Variants in RBMS3 observed in about 807,000 individuals in gnomAD.
The protein encoded by RBMS3 is RNA-binding motif, single-stranded-interacting protein 3.
RBMS3 carries 27 observed loss-of-function variants against 66.8 expected under a neutral mutation model. The observed-to-expected ratio is 0.40, with a 90% confidence interval of 0.30 to 0.56. The LOEUF (loss-of-function observed/expected upper bound fraction) is 0.56. Among genes scored for constraint, RBMS3 ranks in the 20% least tolerant of loss-of-function variants. The pLI, the probability that RBMS3 is intolerant of heterozygous loss-of-function variation, is 0.40. For missense variants in RBMS3, 513 were observed against 549.5 expected (o/e 0.93, Z 0.66); for synonymous variants, 188 against 183.0 (o/e 1.03, Z -0.22).
rs912793100 is a variant in RBMS3 at position 29,740,507 on chromosome 3, A to G, written c.557+630A>G. Among the ~76,000 whole-genome samples, 59 of 152,200 alleles carry G rather than the reference A, an allele frequency of 3.9e-4. 1 individual carries two copies. The highest frequency in any genetic ancestry group is 5.9e-5 in the Non-Finnish European group (4 of 68,030). On this transcript the variant is annotated intron_variant, in intron 5 of 14. Coordinates refer to ENST00000383767, the MANE Select transcript of RBMS3 (RefSeq NM_001003793.3). The stretch of plus-strand genomic sequence containing the variant: ...AGAGTAATTTTCATTTTAACTTTGA[A>G]GGAATGTTTACAAAAGAGGATTTCA...
intron 4 of RBMS3, among the ~76,000 whole-genome samples, chr3:29,720,686 C>T (rs2053605461): frequency 8.1e-6 from 1 of 122,700 alleles, no homozygotes; most frequent in Admixed American, 8.8e-5. Flanking sequence ...CATGAGTTCC[C>T]TGTAAGAATC....
intron 4 of RBMS3, among the ~76,000 whole-genome samples, chr3:29,634,137 T>A (rs17024004): frequency 0.071 from 10,784 of 151,928 alleles, 710 homozygotes; most frequent in East Asian, 0.33. Flanking sequence ...ATTGTGGGTA[T>A]CCAAAAGAGG....
intron 3 of RBMS3, among the ~76,000 whole-genome samples, chr3:29,561,514 A>G (rs1347925277): frequency 6.6e-6 from 1 of 152,062 alleles, no homozygotes; most frequent in Non-Finnish European, 1.5e-5. Flanking sequence ...GTGCAGTGGC[A>G]CAATCTCAGC....
intron 1 of RBMS3, among the ~76,000 whole-genome samples, chr3:29,297,442 G>A (rs2033351858): frequency 6.6e-6 from 1 of 151,836 alleles, no homozygotes; most frequent in South Asian, 2.1e-4. Context: ...AAATCCTTAA[G>A]ATGGCTCCGA....
chr3:29,787,332 A>G (rs116124106), intron 6 of RBMS3, among the ~76,000 whole-genome samples: 3,573 of 152,216 alleles, frequency 0.023, 163 homozygotes, highest in African/African-American at 0.081. Flanking sequence ...CCCCTACTAC[A>G]TATTTACCCA....
chr3:29,425,297 C>G (rs536980950), intron 1 of RBMS3, among the ~76,000 whole-genome samples: 41 of 151,206 alleles, frequency 2.7e-4, no homozygotes, highest in Non-Finnish European at 5.3e-4. Flanking sequence ...TCGCTTGAAC[C>G]CAGGAGGCAG....
intron 6 of RBMS3, among the ~76,000 whole-genome samples, chr3:29,821,540 C>A (rs570366133): frequency 6.6e-6 from 1 of 152,284 alleles, no homozygotes; most frequent in South Asian, 2.1e-4. Context: ...TAAAATTAGG[C>A]ACCATTTCTG....
At chr3:29,439,160 G>A (rs2041514701) in intron 2 of RBMS3, among the ~76,000 whole-genome samples, 1 of 152,114 alleles carries the variant, frequency 6.6e-6, no homozygotes, top group Non-Finnish European at 1.5e-5. Flanking sequence ...AAAGTGTGGG[G>A]CAAAATGAGC....
Position 29,281,649 on chromosome 3 carries a change from GT to G in RBMS3, c.-31del. 1 of 1,590,444 alleles carries G rather than the reference GT, an allele frequency of 6.3e-7. No homozygotes were observed. The highest frequency in any genetic ancestry group is 8.6e-7 in the Non-Finnish European group (1 of 1,158,704). On this transcript the variant is annotated 5_prime_UTR_variant, in exon 1 of 15. Coordinates refer to ENST00000383767, the MANE Select transcript of RBMS3 (RefSeq NM_001003793.3). ...CTGGGGCACTATACCCTGTCATCCA[GT>G]TCCCTGCCTCGGAGATAAAGATTCC...
At chr3:29,874,996 G>C (rs1171862327) in intron 7 of RBMS3, among the ~76,000 whole-genome samples, 1 of 152,144 alleles carries the variant, frequency 6.6e-6, no homozygotes, top group African/African-American at 2.4e-5. Flanking sequence ...TTAGGGCGGG[G>C]TTGGCAGTGG....
chr3:29,794,083 C>T (rs1415869944), intron 6 of RBMS3, among the ~76,000 whole-genome samples: 1 of 152,198 alleles, frequency 6.6e-6, no homozygotes, highest in African/African-American at 2.4e-5. Context: ...TCACCAGAAG[C>T]AGTTGCTAGA....
intron 4 of RBMS3, among the ~76,000 whole-genome samples, chr3:29,724,601 A>C (rs899496459): frequency 3.9e-5 from 6 of 152,172 alleles, no homozygotes; most frequent in Admixed American, 6.6e-5. Flanking sequence ...ATTAAAATGG[A>C]AGTATATAGT....
chr3:29,698,906 TC>T (rs2052405131), intron 4 of RBMS3, among the ~76,000 whole-genome samples: 1 of 152,204 alleles, frequency 6.6e-6, no homozygotes, highest in Non-Finnish European at 1.5e-5. Context: ...AGCATACTAT[TC>T]ACTTTTATTC....
chr3:29,376,446 G>A (rs1265213763), intron 1 of RBMS3, among the ~76,000 whole-genome samples: 1 of 152,166 alleles, frequency 6.6e-6, no homozygotes, highest in Non-Finnish European at 1.5e-5. Context: ...GCAGGGTGGT[G>A]ATTCTGAATG....
At chr3:29,764,655 G>C in intron 6 of RBMS3, among the ~76,000 whole-genome samples, 1 of 152,020 alleles carries the variant, frequency 6.6e-6, no homozygotes, top group East Asian at 1.9e-4. Flanking sequence ...TCAAAAAGAC[G>C]TATTGAAAGC....
intron 3 of RBMS3, among the ~76,000 whole-genome samples, chr3:29,523,228 C>T (rs573125381): frequency 4.6e-5 from 7 of 152,304 alleles, no homozygotes; most frequent in African/African-American, 1.7e-4. Context: ...GTCTCCTTCA[C>T]CTTTCTAACT....
intron 3 of RBMS3, among the ~76,000 whole-genome samples, chr3:29,574,732 T>G (rs1367634768): frequency 2.7e-5 from 4 of 150,538 alleles, no homozygotes; most frequent in African/African-American, 1.0e-4. Flanking sequence ...ATCCATTGTG[T>G]GTTTTTTTGA....
intron 3 of RBMS3, among the ~76,000 whole-genome samples, chr3:29,560,140 C>T (rs1013281893): frequency 2.0e-5 from 3 of 152,178 alleles, no homozygotes; most frequent in African/African-American, 7.2e-5. Context: ...AGAATCCAAG[C>T]ATCCTCTTAC....
chr3:29,658,538 A>G (rs2050406007), intron 4 of RBMS3, among the ~76,000 whole-genome samples: 1 of 152,218 alleles, frequency 6.6e-6, no homozygotes, highest in Non-Finnish European at 1.5e-5. Flanking sequence ...GAATGTAATC[A>G]TTCGATTCCT....
Sources: gnomAD v4.1 joint callset for allele counts (sites outside exome capture counted in the v4.1 genomes callset) on GRCh38, gnomAD v4.1.1 for gene constraint, MANE v1.5 for transcripts, NCBI Gene and HGNC (gene_info 2026-07-23, HGNC 2026-07-21) for gene names.